SKP1: variants seen among roughly 807,000 people sequenced by gnomAD.
SKP1 encodes S-phase kinase associated protein 1.
A neutral mutation model predicts 21.5 loss-of-function variants in SKP1; 1 was observed. The observed-to-expected ratio is 0.05, with a 90% CI of 0.02 to 0.22. SKP1 has a LOEUF of 0.22. Among genes scored for constraint, SKP1 ranks in the 10% least tolerant of loss-of-function variants. The pLI is 1.00. For synonymous variants in SKP1, 59 were observed against 59.3 expected (o/e 0.99, Z 0.03); for missense variants, 70 against 192.0 (o/e 0.36, Z 3.76).
intron 2 of SKP1, among the ~76,000 whole-genome samples, chr5:134,171,808 G>A (rs913725146): frequency 2.0e-5 from 3 of 152,202 alleles, no homozygotes; most frequent in African/African-American, 7.2e-5. Context: ...ACTTTGGGAG[G>A]CTGAGGTGGG....
At chr5:134,166,580 CAAA>C (rs36106913) in intron 3 of SKP1, among the ~76,000 whole-genome samples, 1 of 52,528 alleles carries the variant, frequency 1.9e-5, no homozygotes, top group Admixed American at 3.5e-4. Flanking sequence ...ACTCTGGTCT[CAAA>C]AAAAAAAAAA....
At chr5:134,170,897 T>C (rs190658567) in intron 2 of SKP1, 137 of 409,486 alleles carry the variant, frequency 3.3e-4, no homozygotes, top group Admixed American at 1.3e-3. Context: ...AGCAAGTATT[T>C]AGGCAGCAAT....
intron 5 of SKP1, 144 bp from the exon 6 acceptor site, chr5:134,157,912 TA>T: frequency 6.4e-7 from 1 of 1,563,476 alleles, no homozygotes; most frequent in Non-Finnish European, 8.7e-7. Context: ...GTTAAGACTA[TA>T]TTTCCGGATT....
rs979267966 is a variant in SKP1, at chr5:134,154,613, C to G, written c.*3120G>C. On this transcript the variant is annotated 3_prime_UTR_variant, in exon 6 of 6. Coordinates refer to ENST00000353411, the MANE Select transcript of SKP1 (RefSeq NM_170679.3). ...GAAAAGGTGAGAAGCCAAAGGACTG[C>G]CATGGAGTCCTTGAAAGGACTTCAT... 2 of 152,096 alleles carry G rather than the reference C, an allele frequency of 1.3e-5. No individual in the cohort carries two copies. Among genetic ancestry groups the G allele is most frequent in the African/African-American group, 4.8e-5 (2 of 41,406 alleles). 9.4% of individuals were successfully genotyped at this position (152,096 alleles called of 1,614,324 possible).
chr5:134,149,848 CT>C lies in SKP1; in HGVS notation c.*7884del, dbSNP rs76525822. 0.11 allele frequency: 15,374 copies of C among 145,212 alleles called. 954 individuals are homozygous for C. Among genetic ancestry groups the C allele is most frequent in the African/African-American group, 0.17 (6,861 of 39,976 alleles). The allele number at this position is 145,212 out of a possible 1,614,324, so 9.0% of individuals were successfully genotyped here. A position where few individuals can be genotyped will look rare whatever the true frequency, so the allele number is the denominator to read the frequency against. On this transcript the variant is annotated 3_prime_UTR_variant, in exon 6 of 6. Transcript: ENST00000353411. Reference sequence around the variant, plus strand: ...GGCAACTCTGTTTAAATCAGATCAGCTTTTTTTTTTTTTAATCTGACTTCAT... The same window carrying C: ...GGCAACTCTGTTTAAATCAGATCAGCTTTTTTTTTTTTAATCTGACTTCAT...
At position 134,154,759 on chromosome 5, in the gene SKP1, A is replaced by G. The variant is rs1253137357; in HGVS notation, c.*2974T>C. 6.6e-6 allele frequency: 1 copy of G among 152,208 alleles called. No homozygotes were observed. The highest frequency in any genetic ancestry group is 2.4e-5 in the African/African-American group (1 of 41,444). 9.4% of individuals were successfully genotyped at this position (152,208 alleles called of 1,614,324 possible). ...CTCTCATTCTCTTTCCTGGTGAAAT[A>G]AAAGGCATTTCCTAATTAATCCCTA... On this transcript the variant is annotated 3_prime_UTR_variant, in exon 6 of 6. Transcript: ENST00000353411.
intron 4 of SKP1, among the ~76,000 whole-genome samples, chr5:134,159,598 A>G (rs1761182515): frequency 6.7e-6 from 1 of 149,028 alleles, no homozygotes; most frequent in Admixed American, 6.7e-5. Context: ...CCCAGGCTGG[A>G]GGGCAGTGGT....
Position 134,157,479 on chromosome 5 carries a change from T to G in SKP1, c.*254A>C, listed in dbSNP as rs1203682424. The G allele has an allele frequency of 5.2e-6, 2 of 385,160 alleles. No homozygotes were observed. Among genetic ancestry groups the G allele is most frequent in the Non-Finnish European group, 9.4e-6 (2 of 213,156 alleles). The allele number at this position is 385,160 out of a possible 1,614,324, so 23.9% of individuals were successfully genotyped here. On this transcript the variant is annotated 3_prime_UTR_variant, in exon 6 of 6. Coordinates refer to ENST00000353411, the MANE Select transcript of SKP1 (RefSeq NM_170679.3). Reference sequence around the variant, plus strand: ...AAAGAGGGAAAGCCCAAAATGCCACTTATAGAGAACCCACAGTTCAGTTTT... The same window carrying G: ...AAAGAGGGAAAGCCCAAAATGCCACGTATAGAGAACCCACAGTTCAGTTTT...
chr5:134,158,315 T>C, intron 5 of SKP1, 140 bp downstream of exon 5: 2 of 1,544,698 alleles, frequency 1.3e-6, no homozygotes, highest in Non-Finnish European at 1.7e-6. Flanking sequence ...ACAGTAAGAG[T>C]ATGTTTAAGA....
Position 134,155,275 on chromosome 5 carries a change from A to C in SKP1, c.*2458T>G, listed in dbSNP as rs996133367. On this transcript the variant is annotated 3_prime_UTR_variant, in exon 6 of 6. Transcript: ENST00000353411. ...AGGTTTGGCTACTGTGATAATGAGA[A>C]AGGACCACTCACTCCAGGTGAAAGC... is the stretch of plus-strand genomic sequence containing the variant. The C allele has an allele frequency of 2.6e-5, 4 of 152,234 alleles. No homozygotes were observed. The highest frequency in any genetic ancestry group is 9.7e-5 in the African/African-American group (4 of 41,438). The allele number at this position is 152,234 out of a possible 1,614,324, so 9.4% of individuals were successfully genotyped here. A position where few individuals can be genotyped will look rare whatever the true frequency, so the allele number is the denominator to read the frequency against.
In SKP1 at chr5:134,156,592, A is replaced by T. The variant is rs1298037315; in HGVS notation, c.*1141T>A. ...AAAGGGAGCACAAGGAAGAAAAAAAAATCAAAATTTGTGAGCCATCTCAAG... is the reference window on the plus strand; with the variant it reads ...AAAGGGAGCACAAGGAAGAAAAAAATATCAAAATTTGTGAGCCATCTCAAG... On this transcript the variant is annotated 3_prime_UTR_variant, in exon 6 of 6. Transcript: ENST00000353411. 6.6e-6 allele frequency: 1 copy of T among 152,254 alleles called. No homozygotes were observed. Among genetic ancestry groups the T allele is most frequent in the East Asian group, 1.9e-4 (1 of 5,208 alleles). The allele number at this position is 152,254 out of a possible 1,614,324, so 9.4% of individuals were successfully genotyped here.
In SKP1 at chr5:134,153,452, G is replaced by A. The variant is rs1761073285; in HGVS notation, c.*4281C>T. The A allele has an allele frequency of 6.5e-6, 1 of 152,782 alleles. No homozygotes were observed. The highest frequency in any genetic ancestry group is 2.4e-5 in the African/African-American group (1 of 41,470). The allele number at this position is 152,782 out of a possible 1,614,324, so 9.5% of individuals were successfully genotyped here. A position where few individuals can be genotyped will look rare whatever the true frequency, so the allele number is the denominator to read the frequency against. ...GCTGTGATCACATCACTGCACTCCA[G>A]CCTGGGGGGCAGAGGTGAGACCTTG... On this transcript the variant is annotated 3_prime_UTR_variant, in exon 6 of 6. Transcript: ENST00000353411.
At chr5:134,173,251 G>C (rs1761480166) in intron 2 of SKP1, 1 of 155,402 alleles carries the variant, frequency 6.4e-6, no homozygotes, top group Non-Finnish European at 1.4e-5. Flanking sequence ...AGAATCGCTT[G>C]AACCAGGGAG....
intron 3 of SKP1, among the ~76,000 whole-genome samples, chr5:134,166,090 A>T (rs1205208945): frequency 6.6e-6 from 1 of 150,916 alleles, no homozygotes; most frequent in Non-Finnish European, 1.5e-5. Flanking sequence ...AGGCTGAGGC[A>T]GGGAAAATTA....
At chr5:134,162,316 T>C (rs1185161988) in intron 3 of SKP1, among the ~76,000 whole-genome samples, 2 of 152,144 alleles carry the variant, frequency 1.3e-5, no homozygotes, top group Non-Finnish European at 2.9e-5. Context: ...TGTTGCAAAC[T>C]CCTGAACTCA....
chr5:134,162,609 A>T (rs1455033106), intron 3 of SKP1, among the ~76,000 whole-genome samples: 1 of 150,936 alleles, frequency 6.6e-6, no homozygotes, highest in African/African-American at 2.5e-5. Flanking sequence ...CTGGTCTCGA[A>T]CTCCTGACCT....
In SKP1 at chr5:134,150,279, T is replaced by C. The variant is rs1761025958; in HGVS notation, c.*7454A>G. ...TTTGAATGGCTCCTGTGGTCTCCCA[T>C]TCCTTCTGGCTGTGGACCCCTAACA... is the stretch of plus-strand genomic sequence containing the variant. On this transcript the variant is annotated 3_prime_UTR_variant, in exon 6 of 6. Transcript: ENST00000353411. The C allele has an allele frequency of 6.6e-6, 1 of 152,328 alleles. No homozygotes were observed. Among genetic ancestry groups the C allele is most frequent in the Admixed American group, 6.5e-5 (1 of 15,302 alleles). 9.4% of individuals were successfully genotyped at this position (152,328 alleles called of 1,614,324 possible).
intron 2 of SKP1, among the ~76,000 whole-genome samples, chr5:134,169,997 T>A (rs1405438057): frequency 8.9e-6 from 1 of 112,804 alleles, no homozygotes; most frequent in Non-Finnish European, 1.7e-5. Flanking sequence ...TGAGACTCCA[T>A]CTCAAAAAAA....
At chr5:134,172,050 A>C (rs1422635425) in intron 2 of SKP1, among the ~76,000 whole-genome samples, 1 of 152,260 alleles carries the variant, frequency 6.6e-6, no homozygotes, top group African/African-American at 2.4e-5. Context: ...GTCTCAAAAA[A>C]ATAAATAAAT....
Sources: gnomAD v4.1 joint callset for allele counts (sites outside exome capture counted in the v4.1 genomes callset) on GRCh38, gnomAD v4.1.1 for gene constraint, MANE v1.5 for transcripts, NCBI Gene and HGNC (gene_info 2026-07-23, HGNC 2026-07-21) for gene names.